Variants in EMILIN2 observed in about 807,000 individuals in gnomAD.
EMILIN2 encodes EMILIN-2.
Under a neutral mutation model 87.1 loss-of-function variants are expected in EMILIN2, and 71 were observed. The ratio of observed to expected loss-of-function variants is 0.82; its 90% CI spans 0.67 to 0.99. The LOEUF (loss-of-function observed/expected upper bound fraction) is 0.99. Ranked by LOEUF, EMILIN2 falls within the 50% of genes least tolerant of loss-of-function variation. The pLI is 0.00. For missense variants in EMILIN2, 1,407 were observed against 1,371.8 expected (o/e 1.03, Z -0.40); for synonymous variants, 581 against 563.4 (o/e 1.03, Z -0.44).
chr18:2,909,673 A>G lies in EMILIN2; in HGVS notation c.2696-18A>G. On this transcript the variant is annotated intron_variant, in intron 6 of 7. Transcript: ENST00000254528. Reference sequence around the variant, plus strand: ...AGAAGCACCCGGGTCAATCCATTCCATCCTTTCTCTGCTCCAGGAGCTCCG... The same window carrying G: ...AGAAGCACCCGGGTCAATCCATTCCGTCCTTTCTCTGCTCCAGGAGCTCCG... The G allele has an allele frequency of 1.2e-6, 2 of 1,612,934 alleles. No individual in the cohort carries two copies. Among genetic ancestry groups the G allele is most frequent in the Non-Finnish European group, 1.7e-6 (2 of 1,179,444 alleles).
At chr18:2,853,485 A>T (rs1598483663) in intron 2 of EMILIN2, among the ~76,000 whole-genome samples, 1 of 152,196 alleles carries the variant, frequency 6.6e-6, no homozygotes, top group East Asian at 1.9e-4. Flanking sequence ...TCTTTGAGGC[A>T]CTGGGCAGGT....
At chr18:2,874,742 T>C (rs2076738985) in intron 2 of EMILIN2, among the ~76,000 whole-genome samples, 1 of 152,128 alleles carries the variant, frequency 6.6e-6, no homozygotes, top group Admixed American at 6.6e-5. Context: ...AGAACAGAAA[T>C]ATAAGTGTTC....
At chr18:2,864,761 C>T (rs1166052838) in intron 2 of EMILIN2, among the ~76,000 whole-genome samples, 1 of 152,110 alleles carries the variant, frequency 6.6e-6, no homozygotes, top group African/African-American at 2.4e-5. Flanking sequence ...TGAATGTTGG[C>T]CTGCCTTACT....
chr18:2,896,253 G>A (rs2076862864), intron 4 of EMILIN2, among the ~76,000 whole-genome samples: 2 of 152,176 alleles, frequency 1.3e-5, no homozygotes, highest in South Asian at 4.1e-4. Context: ...TTGGCTCACT[G>A]CAACCTCCGC....
At position 2,876,270 on chromosome 18, in the gene EMILIN2, C is replaced by T. The variant is rs962581956; in HGVS notation, c.258-8694C>T. Among the ~76,000 whole-genome samples the T allele has an allele frequency of 5.1e-4, 77 of 151,914 alleles. 1 individual carries two copies. The highest frequency in any genetic ancestry group is 1.8e-3 in the African/African-American group (76 of 41,456). On this transcript the variant is annotated intron_variant, in intron 2 of 7. Coordinates refer to ENST00000254528, the MANE Select transcript of EMILIN2 (RefSeq NM_032048.3). ...TGCTGGGATTACAGACATGAGCCAACGCGCCCGGCCAGGGTTTTAGATTTT... is the reference window on the plus strand; with the variant it reads ...TGCTGGGATTACAGACATGAGCCAATGCGCCCGGCCAGGGTTTTAGATTTT...
At chr18:2,867,797 A>G (rs974013509) in intron 2 of EMILIN2, among the ~76,000 whole-genome samples, 1 of 151,952 alleles carries the variant, frequency 6.6e-6, no homozygotes, top group African/African-American at 2.4e-5. Context: ...TCTTTTCCCC[A>G]CCTTTCCCTC....
intron 2 of EMILIN2, among the ~76,000 whole-genome samples, chr18:2,854,271 A>C (rs1429391820): frequency 1.3e-5 from 2 of 152,086 alleles, no homozygotes; most frequent in Non-Finnish European, 2.9e-5. Flanking sequence ...TTTTCTAAAA[A>C]GATCTTACCA....
chr18:2,906,032 A>ATC (rs2076910171), intron 4 of EMILIN2, among the ~76,000 whole-genome samples: 1 of 152,132 alleles, frequency 6.6e-6, no homozygotes. Context: ...AACTCTGGGC[A>ATC]TCGTGGGCAC....
chr18:2,890,261 T>C lies in EMILIN2; in HGVS notation c.434-300T>C, dbSNP rs2076827750. Among the ~76,000 whole-genome samples, 1 of 152,206 alleles carries C rather than the reference T, an allele frequency of 6.6e-6. No individual in the cohort carries two copies. The highest frequency in any genetic ancestry group is 6.5e-5 in the Admixed American group (1 of 15,280). Reference sequence around the variant, plus strand: ...GATTATCTAATAGGTGTCATGTACATATTATTTTAACAGCTCTAGAAGCTG... The same window carrying C: ...GATTATCTAATAGGTGTCATGTACACATTATTTTAACAGCTCTAGAAGCTG... On this transcript the variant is annotated intron_variant, in intron 3 of 7. Coordinates refer to ENST00000254528, the MANE Select transcript of EMILIN2 (RefSeq NM_032048.3). The surrounding 1 kb of genome is among the most constrained non-coding windows in gnomAD (Gnocchi z 4.7).
chr18:2,911,183 G>C (rs892339492), intron 7 of EMILIN2, among the ~76,000 whole-genome samples: 1 of 152,248 alleles, frequency 6.6e-6, no homozygotes, highest in Non-Finnish European at 1.5e-5. Flanking sequence ...GGTCTGACAG[G>C]TGACTTGGGG....
At chr18:2,873,265 C>G (rs1598491357) in intron 2 of EMILIN2, among the ~76,000 whole-genome samples, 1 of 151,488 alleles carries the variant, frequency 6.6e-6, no homozygotes, top group East Asian at 1.9e-4. Flanking sequence ...ACAAAATTAC[C>G]CAGACATGGT....
intron 5 of EMILIN2, among the ~76,000 whole-genome samples, chr18:2,908,483 G>A (rs1237878359): frequency 6.6e-6 from 1 of 152,124 alleles, no homozygotes; most frequent in Non-Finnish European, 1.5e-5. Flanking sequence ...ACTCTTCCCT[G>A]TGTGCATCCA....
At chr18:2,852,031 CTGTT>C (rs1409783791) in intron 2 of EMILIN2, among the ~76,000 whole-genome samples, 2 of 152,140 alleles carry the variant, frequency 1.3e-5, no homozygotes, top group Non-Finnish European at 2.9e-5. Flanking sequence ...CAGAATGTGC[CTGTT>C]TGTTTGTCTT....
Position 2,913,431 on chromosome 18 carries a change from G to T in EMILIN2, c.*27G>T. On this transcript the variant is annotated 3_prime_UTR_variant, in exon 8 of 8. Coordinates refer to ENST00000254528, the MANE Select transcript of EMILIN2 (RefSeq NM_032048.3). ...GTGGCTGGGGAGATGTCAGGGGAAA[G>T]ATAGATAGTTGTAAAAACTCTAAAG... 4 of 1,510,344 alleles carry T rather than the reference G, an allele frequency of 2.6e-6. No individual in the cohort carries two copies. The highest frequency in any genetic ancestry group is 3.6e-6 in the Non-Finnish European group (4 of 1,118,514). 93.6% of individuals were successfully genotyped at this position (1,510,344 alleles called of 1,614,324 possible). A position where few individuals can be genotyped will look rare whatever the true frequency, so the allele number is the denominator to read the frequency against.
At chr18:2,908,595 A>G (rs1015790923) in intron 5 of EMILIN2, among the ~76,000 whole-genome samples, 6 of 152,246 alleles carry the variant, frequency 3.9e-5, no homozygotes, top group African/African-American at 9.6e-5. Context: ...TCTTGAACAG[A>G]TAACACTGCT....
rs751409842 is a variant in EMILIN2 at position 2,890,903 on chromosome 18, T to G, written c.776T>G (p.Met259Arg). Reference sequence around the variant, plus strand: ...GTCTTCAACACTAAGGAATCTGGCATGAAGGACATCAAGTCTGAATTGGCT... The same window carrying G: ...GTCTTCAACACTAAGGAATCTGGCAGGAAGGACATCAAGTCTGAATTGGCT... ...PGVFNTKESG[M>R]KDIKSELAEV... Residue 259 changes from methionine to arginine, a missense_variant, in exon 4 of 8, where the codon ATG becomes AGG. By Grantham distance (91) the Met-to-Arg change is moderately conservative (BLOSUM62 -1). Coordinates refer to ENST00000254528, the MANE Select transcript of EMILIN2 (RefSeq NM_032048.3). This position sits in a 1 kb window ranked among gnomAD's most constrained non-coding sequence, Gnocchi z 4.7. 1 of 1,613,920 alleles carries G rather than the reference T, an allele frequency of 6.2e-7. No homozygotes were observed. Among genetic ancestry groups the G allele is most frequent in the East Asian group, 2.2e-5 (1 of 44,888 alleles).
upstream of EMILIN2, chr18:2,846,779 A>T (rs143241004): frequency 1.0e-6 from 1 of 985,284 alleles, no homozygotes. The surrounding 1 kb of genome is among the most constrained non-coding windows in gnomAD (Gnocchi z 5.3). Flanking sequence ...CTGGGAAGAG[A>T]CCAAAGGAAT....
rs1000316140 is a variant in EMILIN2 at position 2,880,880 on chromosome 18, G to A, written c.258-4084G>A. ...TTGGCTGCACTTGACAACGACTTGG[G>A]GACTTTTAGAAAGGTACGAGCACCC... On this transcript the variant is annotated intron_variant, in intron 2 of 7. Coordinates refer to ENST00000254528, the MANE Select transcript of EMILIN2 (RefSeq NM_032048.3). This position sits in a 1 kb window ranked among gnomAD's most constrained non-coding sequence, Gnocchi z 4.1. Among the ~76,000 whole-genome samples the A allele has an allele frequency of 6.6e-6, 1 of 152,114 alleles. No individual in the cohort carries two copies. Among genetic ancestry groups the A allele is most frequent in the Non-Finnish European group, 1.5e-5 (1 of 68,012 alleles).
At chr18:2,869,632 A>G (rs1429219611) in intron 2 of EMILIN2, among the ~76,000 whole-genome samples, 4 of 151,804 alleles carry the variant, frequency 2.6e-5, no homozygotes, top group South Asian at 2.1e-4. Context: ...GGATCTCACT[A>G]TATTGCCCAG....
Sources: allele counts gnomAD v4.1 joint callset (sites outside exome capture counted in the v4.1 genomes callset), GRCh38; gene constraint gnomAD v4.1.1; non-coding constraint Gnocchi (gnomAD v3.1); transcripts MANE v1.5; gene names NCBI Gene and HGNC (gene_info 2026-07-23, HGNC 2026-07-21).